The following FAM193A variants were observed in gnomAD, a reference collection of about 807,000 sequenced individuals.
FAM193A encodes the protein family with sequence similarity 193 member A.
Under a neutral mutation model 126.5 loss-of-function variants are expected in FAM193A, and 22 were observed. That is an observed-to-expected ratio of 0.17 (90% CI 0.12 to 0.25). The LOEUF is 0.25. FAM193A is among the 10% of genes least tolerant of loss of function. The pLI is 1.00. For synonymous variants in FAM193A, 761 were observed against 646.8 expected (o/e 1.18, Z -2.68); for missense variants, 1,675 against 1,672.8 (o/e 1.00, Z -0.02).
chr4:2,617,883 T>A (rs1310170045), intron 2 of FAM193A, among the ~76,000 whole-genome samples: 1 of 152,210 alleles, frequency 6.6e-6, no homozygotes, highest in Non-Finnish European at 1.5e-5. Context: ...CACATCTTTA[T>A]CATGTGTGGT....
Position 2,626,392 on chromosome 4 carries a change from T to A in FAM193A, c.636-18T>A. On this transcript the variant is annotated intron_variant, in intron 3 of 20. Transcript: ENST00000637812. ...GCAGATTGTGGTGACTTTCTAACCT[T>A]CCTGTGTTGTCTCACAGAGAAATTT... The A allele has an allele frequency of 2.9e-6, 2 of 696,916 alleles. No individual in the cohort carries two copies. Among genetic ancestry groups the A allele is most frequent in the Non-Finnish European group, 5.3e-6 (2 of 380,022 alleles). 43.2% of individuals were successfully genotyped at this position (696,916 alleles called of 1,614,324 possible).
At chr4:2,691,048 C>A in intron 15 of FAM193A, 78 bp downstream of exon 15, 1 of 1,355,244 alleles carries the variant, frequency 7.4e-7, no homozygotes, top group Non-Finnish European at 1.0e-6. Context: ...TGTAACTCAT[C>A]TTTGTAACTG....
chr4:2,619,996 G>A (rs1422187764), intron 2 of FAM193A, among the ~76,000 whole-genome samples: 1 of 152,128 alleles, frequency 6.6e-6, no homozygotes, highest in East Asian at 1.9e-4. Flanking sequence ...TGGCCTGGGG[G>A]ATCTGTTTCT....
intron 6 of FAM193A, 42 bp downstream of exon 6, chr4:2,639,901 C>T: frequency 6.3e-7 from 1 of 1,594,206 alleles, no homozygotes. Flanking sequence ...GGTGTGACAG[C>T]ACAGTCTTTT....
intron 13 of FAM193A, among the ~76,000 whole-genome samples, 169 bp from the exon 14 acceptor site, chr4:2,689,337 C>T (rs1008604945): frequency 1.3e-5 from 2 of 152,170 alleles, no homozygotes; most frequent in Non-Finnish European, 1.5e-5. Flanking sequence ...TGTACAGTCT[C>T]ATAAATCAAG....
chr4:2,692,174 A>G (rs1230771977), intron 15 of FAM193A, among the ~76,000 whole-genome samples: 1 of 152,202 alleles, frequency 6.6e-6, no homozygotes, highest in Non-Finnish European at 1.5e-5. Context: ...ATTGAGTCAC[A>G]GTTCCACATG....
intron 1 of FAM193A, among the ~76,000 whole-genome samples, chr4:2,540,620 C>T (rs1313655140): frequency 6.6e-6 from 1 of 152,098 alleles, no homozygotes; most frequent in Admixed American, 6.5e-5. Context: ...TGCACTCCAG[C>T]CTGGGTGACA....
intron 13 of FAM193A, among the ~76,000 whole-genome samples, chr4:2,679,883 G>A (rs1013062841): frequency 2.7e-5 from 4 of 150,886 alleles, no homozygotes; most frequent in South Asian, 2.1e-4. Flanking sequence ...TCTTTGAGAC[G>A]GAGTCTTGCT....
At chr4:2,562,963 G>T (rs1426039830) in intron 1 of FAM193A, among the ~76,000 whole-genome samples, 1 of 139,704 alleles carries the variant, frequency 7.2e-6, no homozygotes, top group African/African-American at 2.7e-5. Flanking sequence ...TTGTTTTTTT[G>T]AGACGGAGTC....
chr4:2,547,507 T>G (rs1006414853), intron 1 of FAM193A, among the ~76,000 whole-genome samples: 41 of 151,942 alleles, frequency 2.7e-4, no homozygotes, highest in African/African-American at 9.2e-4. Context: ...CCACCTTGGC[T>G]TCCCAGTGTT....
intron 7 of FAM193A, among the ~76,000 whole-genome samples, chr4:2,647,342 C>G (rs536827626): frequency 6.2e-4 from 94 of 152,148 alleles, no homozygotes; most frequent in Non-Finnish European, 8.1e-4. Flanking sequence ...GACAGGGTTT[C>G]TCCATGTTGG....
intron 12 of FAM193A, among the ~76,000 whole-genome samples, chr4:2,668,649 A>G (rs2109144380): frequency 6.6e-6 from 1 of 152,316 alleles, no homozygotes; most frequent in Admixed American, 6.5e-5. Context: ...ATATAATTAC[A>G]TTTGTATATG....
intron 2 of FAM193A, among the ~76,000 whole-genome samples, chr4:2,608,721 G>C (rs566850828): frequency 1.3e-5 from 2 of 152,150 alleles, no homozygotes; most frequent in African/African-American, 4.8e-5. Context: ...ATTCAGAGAA[G>C]AGAGGTGGGA....
At chr4:2,641,771 C>T (rs1307339441) in intron 6 of FAM193A, among the ~76,000 whole-genome samples, 2 of 152,158 alleles carry the variant, frequency 1.3e-5, no homozygotes. Context: ...CATAACCTTA[C>T]CTCTAGAGAA....
chr4:2,650,948 G>A (rs1038882209), intron 7 of FAM193A, among the ~76,000 whole-genome samples: 2 of 152,194 alleles, frequency 1.3e-5, no homozygotes, highest in African/African-American at 4.8e-5. Context: ...CAGACGTGCA[G>A]ATGGAGAAGC....
At chr4:2,639,313 A>C (rs1377569596) in intron 5 of FAM193A, among the ~76,000 whole-genome samples, 1 of 152,224 alleles carries the variant, frequency 6.6e-6, no homozygotes, top group East Asian at 1.9e-4. Context: ...AGGTTTCTCC[A>C]AATAGGTAAG....
In FAM193A at chr4:2,731,951, G is replaced by A. The variant is rs1721445918; in HGVS notation, c.*83G>A. 2.8e-6 allele frequency: 3 copies of A among 1,064,940 alleles called. No homozygotes were observed. The South Asian group carries it at 3.8e-5, about 13-fold the overall frequency. 66.0% of individuals were successfully genotyped at this position (1,064,940 alleles called of 1,614,324 possible). A position where few individuals can be genotyped will look rare whatever the true frequency, so the allele number is the denominator to read the frequency against. The stretch of plus-strand genomic sequence containing the variant: ...AGCCACGCCCCTCGCTGGCGCCCCA[G>A]AGCCGTGGTGCTTGCCAAGGGCTGT... On this transcript the variant is annotated 3_prime_UTR_variant, in exon 21 of 21. Coordinates refer to ENST00000637812, the MANE Select transcript of FAM193A (RefSeq NM_001366318.2).
intron 1 of FAM193A, among the ~76,000 whole-genome samples, chr4:2,582,516 CT>C (rs1740009339): frequency 6.6e-6 from 1 of 152,082 alleles, no homozygotes; most frequent in Non-Finnish European, 1.5e-5. Context: ...TTGCGCATGA[CT>C]TTTGTCCTAA....
chr4:2,601,269 G>A (rs1371034732), intron 2 of FAM193A, among the ~76,000 whole-genome samples: 1 of 111,722 alleles, frequency 9.0e-6, no homozygotes, highest in South Asian at 2.9e-4. Flanking sequence ...GTTTCTCTCT[G>A]TCGCCCAGGC....
Sources: gnomAD v4.1 joint callset for allele counts (sites outside exome capture counted in the v4.1 genomes callset) on GRCh38, gnomAD v4.1.1 for gene constraint, MANE v1.5 for transcripts, NCBI Gene and HGNC (gene_info 2026-07-23, HGNC 2026-07-21) for gene names.